Variants in TTLL11 observed in about 807,000 individuals in gnomAD.
TTLL11 encodes tubulin tyrosine ligase like 11, also known as tubulin polyglutamylase TTLL11.
A neutral mutation model predicts 51.7 loss-of-function variants in TTLL11; 42 were observed. The observed-to-expected ratio is 0.81, with a 90% CI of 0.64 to 1.05. TTLL11 has a LOEUF of 1.05. TTLL11 is among the 50% of genes least tolerant of loss of function. The probability of loss-of-function intolerance (pLI) is 0.00; values close to 1 mark genes in which losing one functional copy is unlikely to be tolerated. For synonymous variants in TTLL11, 381 were observed against 383.5 expected (o/e 0.99, Z 0.08); for missense variants, 799 against 940.4 (o/e 0.85, Z 1.97).
Position 121,822,614 on chromosome 9 carries a change from G to C in TTLL11, c.2106C>G (p.Leu702=). 1 of 1,479,914 alleles carries C rather than the reference G, an allele frequency of 6.8e-7. No individual in the cohort carries two copies. Among genetic ancestry groups the C allele is most frequent in the Middle Eastern group, 2.5e-4 (1 of 4,054 alleles). 91.7% of individuals were successfully genotyped at this position (1,479,914 alleles called of 1,614,324 possible). Residue 702 remains leucine, a synonymous_variant, in exon 9 of 9, where the codon CTC becomes CTG. Coordinates refer to ENST00000321582, the MANE Select transcript of TTLL11 (RefSeq NM_001139442.2). The surrounding 1 kb of genome is among the most constrained non-coding windows in gnomAD (Gnocchi z 5.8). ...AGGACAGGGTATGTCTGGGATGGGA[G>C]AGCTTATTGGCACAGCTGGTGCGGG... is the stretch of plus-strand genomic sequence containing the variant. ...PPPRTSCANK[L]SHPRHTLS
chr9:122,069,271 C>T (rs1343559055), intron 1 of TTLL11, among the ~76,000 whole-genome samples: 2 of 152,132 alleles, frequency 1.3e-5, no homozygotes, highest in Non-Finnish European at 2.9e-5. Context: ...GGAGACTCCC[C>T]GAGTACTTAA....
At chr9:121,993,829 CTG>C (rs1233060539) in intron 3 of TTLL11, among the ~76,000 whole-genome samples, 12 of 152,316 alleles carry the variant, frequency 7.9e-5, no homozygotes, top group African/African-American at 2.9e-4. Flanking sequence ...AATACTGTGT[CTG>C]CAATACTGGG....
intron 6 of TTLL11, among the ~76,000 whole-genome samples, chr9:121,900,964 G>A (rs551676795): frequency 6.6e-6 from 1 of 151,940 alleles, no homozygotes; most frequent in African/African-American, 2.4e-5. Context: ...GTATAGAGAT[G>A]GGGTCTCACC....
intron 6 of TTLL11, among the ~76,000 whole-genome samples, chr9:121,971,746 G>GGAAAA (rs1554775866): frequency 1.0e-5 from 1 of 97,878 alleles, no homozygotes. Context: ...TCTGCCTTGG[G>GGAAAA]AAAAAAAAAA....
chr9:121,870,418 A>G, intron 7 of TTLL11, 79 bp downstream of exon 7: 1 of 1,485,576 alleles, frequency 6.7e-7, no homozygotes, highest in Non-Finnish European at 9.0e-7. Context: ...GAGCGCAGTC[A>G]GGGAGACCCG....
chr9:122,091,491 C>T (rs1288162919), intron 1 of TTLL11, among the ~76,000 whole-genome samples: 1 of 152,236 alleles, frequency 6.6e-6, no homozygotes, highest in African/African-American at 2.4e-5. Context: ...ACCCTATCCA[C>T]CTGGAAGTCG....
intron 6 of TTLL11, among the ~76,000 whole-genome samples, chr9:121,949,669 C>T (rs1208738437): frequency 4.6e-5 from 7 of 151,922 alleles, no homozygotes; most frequent in African/African-American, 1.5e-4. Context: ...CTGCGTCACC[C>T]GGCTCTGCTT....
chr9:121,859,035 G>T (rs1395523336), intron 8 of TTLL11, among the ~76,000 whole-genome samples: 2 of 152,222 alleles, frequency 1.3e-5, no homozygotes, highest in Non-Finnish European at 1.5e-5. Context: ...TGTGTGATCT[G>T]TGTCACCTGA....
intron 6 of TTLL11, among the ~76,000 whole-genome samples, chr9:121,953,385 C>CA (rs1334832390): frequency 6.6e-6 from 1 of 152,210 alleles, no homozygotes; most frequent in Non-Finnish European, 1.5e-5. Context: ...GTAATCCCAG[C>CA]ACATTGGGTG....
chr9:122,025,337 C>A (rs759507797), intron 3 of TTLL11, among the ~76,000 whole-genome samples: 29 of 152,182 alleles, frequency 1.9e-4, no homozygotes, highest in Non-Finnish European at 3.8e-4. Flanking sequence ...TGACCACTGG[C>A]CCTGTAAGGT....
intron 8 of TTLL11, among the ~76,000 whole-genome samples, chr9:121,845,098 A>G (rs907194773): frequency 6.6e-6 from 1 of 152,164 alleles, no homozygotes; most frequent in Non-Finnish European, 1.5e-5. Context: ...CCAGAGACAA[A>G]GAGAAAATCT....
intron 2 of TTLL11, 51 bp from the exon 3 acceptor site, chr9:122,031,907 T>C (rs1019058017): frequency 6.4e-7 from 1 of 1,571,680 alleles, no homozygotes. Flanking sequence ...CTACTAGCTA[T>C]AAAACAGCCA....
At chr9:121,927,741 C>T (rs1176122176) in intron 6 of TTLL11, among the ~76,000 whole-genome samples, 1 of 151,468 alleles carries the variant, frequency 6.6e-6, no homozygotes, top group African/African-American at 2.4e-5. Context: ...AAAGAAGGGC[C>T]TAAGGAGTGC....
intron 3 of TTLL11, among the ~76,000 whole-genome samples, chr9:122,007,196 G>A (rs182047002): frequency 7.4e-4 from 113 of 152,106 alleles, no homozygotes; most frequent in Middle Eastern, 3.4e-3. Context: ...TGGCACTCAT[G>A]AAAAGAAACC....
At chr9:121,928,409 C>T (rs1840824813) in intron 6 of TTLL11, among the ~76,000 whole-genome samples, 1 of 151,678 alleles carries the variant, frequency 6.6e-6, no homozygotes, top group Admixed American at 6.6e-5. Flanking sequence ...AAAGTTTCCT[C>T]CTGCCCCTTT....
chr9:121,833,622 A>G (rs1237086522), intron 8 of TTLL11, among the ~76,000 whole-genome samples: 2 of 152,088 alleles, frequency 1.3e-5, no homozygotes, highest in Non-Finnish European at 2.9e-5. Flanking sequence ...AGGCCCAGAG[A>G]GGCTAAGTGG....
intron 6 of TTLL11, among the ~76,000 whole-genome samples, chr9:121,895,850 T>C (rs544274867): frequency 0.23 from 758 of 3,240 alleles, 7 homozygotes; most frequent in Non-Finnish European, 0.32. Flanking sequence ...GTTGTGTGTA[T>C]GAATGTGTTG....
chr9:122,054,864 C>T (rs1232705398), intron 1 of TTLL11, among the ~76,000 whole-genome samples: 2 of 152,102 alleles, frequency 1.3e-5, no homozygotes, highest in Non-Finnish European at 2.9e-5. Context: ...GTTTCCATTT[C>T]AGCAACACTT....
At chr9:121,870,408 G>C (rs1588083075) in intron 7 of TTLL11, 89 bp downstream of exon 7, 3 of 1,455,646 alleles carry the variant, frequency 2.1e-6, no homozygotes, top group African/African-American at 1.4e-5. Flanking sequence ...AGATTCTCCC[G>C]AGCGCAGTCA....
Sources: allele counts gnomAD v4.1 joint callset (sites outside exome capture counted in the v4.1 genomes callset), GRCh38; gene constraint gnomAD v4.1.1; non-coding constraint Gnocchi (gnomAD v3.1); transcripts MANE v1.5; gene names NCBI Gene and HGNC (gene_info 2026-07-23, HGNC 2026-07-21).